The following SEMA5A variants were observed in gnomAD, a reference collection of about 807,000 sequenced individuals.
The protein encoded by SEMA5A is semaphorin 5A.
Under a neutral mutation model 135.5 loss-of-function variants are expected in SEMA5A, and 55 were observed. That is an observed-to-expected ratio of 0.41 (90% confidence interval 0.33 to 0.51). The LOEUF is 0.51. Ranked by LOEUF, SEMA5A falls within the 20% of genes least tolerant of loss-of-function variation. The pLI is 0.37. For missense variants in SEMA5A, 1,290 were observed against 1,419.9 expected (o/e 0.91, Z 1.47); for synonymous variants, 580 against 546.5 (o/e 1.06, Z -0.85).
chr5:9,311,146 C>T (rs997922093), intron 5 of SEMA5A, among the ~76,000 whole-genome samples: 4 of 151,408 alleles, frequency 2.6e-5, no homozygotes, highest in South Asian at 2.1e-4. Context: ...TTTCGCTCAA[C>T]GGGGGGGTCC....
intron 11 of SEMA5A, among the ~76,000 whole-genome samples, chr5:9,159,228 C>T (rs1403916988): frequency 6.6e-6 from 1 of 152,150 alleles, no homozygotes; most frequent in Non-Finnish European, 1.5e-5. Flanking sequence ...ACATGAAATG[C>T]CTTTTCACTT....
At chr5:9,347,107 G>A (rs557161507) in intron 3 of SEMA5A, among the ~76,000 whole-genome samples, 7 of 152,032 alleles carry the variant, frequency 4.6e-5, no homozygotes, top group South Asian at 2.1e-4. Flanking sequence ...TTCGTATCAC[G>A]AAAAAAGACC....
Position 9,325,715 on chromosome 5 carries a change from T to C in SEMA5A, c.225-7298A>G, listed in dbSNP as rs560595717. Among the ~76,000 whole-genome samples the C allele has an allele frequency of 5.9e-5, 9 of 152,300 alleles. No individual in the cohort carries two copies. In the South Asian group the frequency reaches 1.9e-3, roughly 32 times the overall value. ...TGACTCATTTCATCTAGAGACACTA[T>C]AAAACTTAACTTTGACCTCCATAAA... On this transcript the variant is annotated intron_variant, in intron 4 of 22. Coordinates refer to ENST00000382496, the MANE Select transcript of SEMA5A (RefSeq NM_003966.3).
At chr5:9,084,816 G>C (rs1272500381) in intron 16 of SEMA5A, among the ~76,000 whole-genome samples, 1 of 152,184 alleles carries the variant, frequency 6.6e-6, no homozygotes, top group Non-Finnish European at 1.5e-5. Flanking sequence ...GGTTGGAACA[G>C]TTTGGAGGGC....
At chr5:9,539,519 G>A (rs944307687) in intron 1 of SEMA5A, among the ~76,000 whole-genome samples, 1 of 152,106 alleles carries the variant, frequency 6.6e-6, no homozygotes, top group African/African-American at 2.4e-5. Context: ...TATGTTCCCT[G>A]GAATTTGTGT....
chr5:9,046,421 T>C (rs1344139850), intron 21 of SEMA5A, among the ~76,000 whole-genome samples: 1 of 152,166 alleles, frequency 6.6e-6, no homozygotes, highest in Non-Finnish European at 1.5e-5. Context: ...CTGTCTTCCC[T>C]GTGCTCATGA....
At chr5:9,171,210 G>A (rs993904841) in intron 11 of SEMA5A, among the ~76,000 whole-genome samples, 1 of 152,132 alleles carries the variant, frequency 6.6e-6, no homozygotes, top group African/African-American at 2.4e-5. Context: ...TGGGGAAGGG[G>A]TTGAGTTGGT....
chr5:9,309,777 A>G (rs1007857144), intron 5 of SEMA5A, among the ~76,000 whole-genome samples: 3 of 151,680 alleles, frequency 2.0e-5, no homozygotes, highest in Non-Finnish European at 4.4e-5. Context: ...GTCCTCATCT[A>G]CATAAAATAT....
intron 5 of SEMA5A, among the ~76,000 whole-genome samples, chr5:9,310,451 G>T (rs905431459): frequency 4.0e-5 from 6 of 151,854 alleles, no homozygotes; most frequent in Non-Finnish European, 8.8e-5. Flanking sequence ...ACAAAGATAG[G>T]CAAAAAAATA....
intron 9 of SEMA5A, among the ~76,000 whole-genome samples, chr5:9,198,587 C>T (rs1745541418): frequency 6.6e-6 from 1 of 152,166 alleles, no homozygotes; most frequent in African/African-American, 2.4e-5. Context: ...GGGCCTTCTG[C>T]ATTTTCTCCA....
intron 16 of SEMA5A, among the ~76,000 whole-genome samples, chr5:9,089,289 A>AT (rs1738903170): frequency 6.6e-6 from 1 of 152,212 alleles, no homozygotes; most frequent in Non-Finnish European, 1.5e-5. Context: ...ATGTTTCATA[A>AT]CTTTTGTTCA....
chr5:9,071,763 T>C (rs765650096), intron 16 of SEMA5A, among the ~76,000 whole-genome samples: 1 of 152,208 alleles, frequency 6.6e-6, no homozygotes, highest in African/African-American at 2.4e-5. Context: ...ACTGAATATG[T>C]AAATCAAATT....
chr5:9,172,748 G>A (rs565662518), intron 11 of SEMA5A, among the ~76,000 whole-genome samples: 2 of 152,222 alleles, frequency 1.3e-5, no homozygotes, highest in African/African-American at 4.8e-5. Context: ...TTACACATGA[G>A]AACAATTCTT....
At chr5:9,307,338 G>A (rs1409215200) in intron 5 of SEMA5A, among the ~76,000 whole-genome samples, 2 of 152,116 alleles carry the variant, frequency 1.3e-5, no homozygotes, top group African/African-American at 4.8e-5. Flanking sequence ...AAACAAGGGT[G>A]TTGTCCATTG....
At chr5:9,118,852 G>C (rs1361005049) in intron 15 of SEMA5A, 146 bp downstream of exon 15, 3 of 1,043,768 alleles carry the variant, frequency 2.9e-6, no homozygotes, top group African/African-American at 3.2e-5. Flanking sequence ...AGGATGCCAG[G>C]AAAAGAAGAG....
intron 1 of SEMA5A, among the ~76,000 whole-genome samples, chr5:9,475,888 A>G (rs1759650383): frequency 6.6e-6 from 1 of 152,248 alleles, no homozygotes; most frequent in Non-Finnish European, 1.5e-5. Flanking sequence ...ACACAGGTGG[A>G]AAGAAAATCT....
At chr5:9,473,606 G>A (rs1759561581) in intron 1 of SEMA5A, among the ~76,000 whole-genome samples, 2 of 151,322 alleles carry the variant, frequency 1.3e-5, no homozygotes, top group African/African-American at 4.9e-5. Flanking sequence ...AGAGAGAGGA[G>A]GAAAGAAGGA....
intron 1 of SEMA5A, among the ~76,000 whole-genome samples, chr5:9,529,706 T>C (rs1445265890): frequency 6.6e-6 from 1 of 152,210 alleles, no homozygotes; most frequent in East Asian, 1.9e-4. Flanking sequence ...TTTAAACCCT[T>C]ATAAAATCCA....
At chr5:9,463,813 T>TGG (rs1398234507) in intron 1 of SEMA5A, among the ~76,000 whole-genome samples, 1 of 152,214 alleles carries the variant, frequency 6.6e-6, no homozygotes, top group East Asian at 1.9e-4. Context: ...AGACTTAGCC[T>TGG]GGAATGTGTT....
Sources: allele counts gnomAD v4.1 joint callset (sites outside exome capture counted in the v4.1 genomes callset), GRCh38; gene constraint gnomAD v4.1.1; transcripts MANE v1.5; gene names NCBI Gene and HGNC (gene_info 2026-07-23, HGNC 2026-07-21).